The following GEN1 variants were observed in gnomAD, a reference collection of about 807,000 sequenced individuals.
GEN1 encodes GEN1 structure-specific endonuclease.
In GEN1, 64 loss-of-function variants were observed where a neutral mutation model predicts 67.6. The ratio of observed to expected loss-of-function variants is 0.95; its 90% CI spans 0.77 to 1.17. The LOEUF (loss-of-function observed/expected upper bound fraction) is 1.17, where lower values mean the gene tolerates loss of function less well. Among genes scored for constraint, GEN1 ranks in the 50% most tolerant of loss-of-function variants. The probability of loss-of-function intolerance (pLI) is 0.00; values close to 1 mark genes in which losing one functional copy is unlikely to be tolerated. For synonymous variants in GEN1, 371 were observed against 359.4 expected (o/e 1.03, Z -0.37); for missense variants, 1,058 against 1,048.3 (o/e 1.01, Z -0.13).
chr2:17,772,607 T>C (rs1672241784), intron 7 of GEN1, 27 bp from the exon 8 acceptor site: 2 of 1,569,884 alleles, frequency 1.3e-6, no homozygotes, highest in East Asian at 2.2e-5. Flanking sequence ...GCAAAAAATA[T>C]TATACTTTTT....
At position 17,784,520 on chromosome 2, in the gene GEN1, T is replaced by C. The variant is rs1054170557; in HGVS notation, c.*2581T>C. 2.0e-5 allele frequency: 3 copies of C among 152,154 alleles called. No individual in the cohort carries two copies. The East Asian group carries it at 5.8e-4, about 29-fold the overall frequency. 9.4% of individuals were successfully genotyped at this position (152,154 alleles called of 1,614,324 possible). A position where few individuals can be genotyped will look rare whatever the true frequency, so the allele number is the denominator to read the frequency against. On this transcript the variant is annotated 3_prime_UTR_variant, in exon 14 of 14. Coordinates refer to ENST00000381254, the MANE Select transcript of GEN1 (RefSeq NM_001130009.3). ...ATAAAAACCTGTGCACAAATGTCCATAGCAGCGTTATTCATAATAGCCTAA... is the reference window on the plus strand; with the variant it reads ...ATAAAAACCTGTGCACAAATGTCCACAGCAGCGTTATTCATAATAGCCTAA...
Position 17,779,103 on chromosome 2 carries a change from A to G in GEN1, c.1265-875A>G, listed in dbSNP as rs570823637. On this transcript the variant is annotated intron_variant, in intron 12 of 13. Coordinates refer to ENST00000381254, the MANE Select transcript of GEN1 (RefSeq NM_001130009.3). Reference sequence around the variant, plus strand: ...ATGCCTGGCTAATTTTCATATTTTTAGTAGAGATGGAGTTTCGTTATTTTG... The same window carrying G: ...ATGCCTGGCTAATTTTCATATTTTTGGTAGAGATGGAGTTTCGTTATTTTG... 3.0e-4 allele frequency among the ~76,000 whole-genome samples: 46 copies of G among 152,178 alleles called. 1 individual carries two copies. In the South Asian group the frequency reaches 8.9e-3, roughly 30 times the overall value.
chr2:17,767,909 C>T (rs1672007059), intron 5 of GEN1, among the ~76,000 whole-genome samples: 1 of 152,116 alleles, frequency 6.6e-6, no homozygotes, highest in African/African-American at 2.4e-5. Context: ...ACGTGTATGC[C>T]AAAGACATAG....
intron 1 of GEN1, among the ~76,000 whole-genome samples, chr2:17,759,338 G>T (rs1343432693): frequency 6.6e-6 from 1 of 152,192 alleles, no homozygotes; most frequent in East Asian, 1.9e-4. Context: ...TGTCATGTAC[G>T]TGGAAAAAGG....
intron 12 of GEN1, among the ~76,000 whole-genome samples, chr2:17,779,279 C>T (rs1572421843): frequency 6.6e-6 from 1 of 152,296 alleles, no homozygotes; most frequent in East Asian, 1.9e-4. Flanking sequence ...CAGAAGCTAT[C>T]ACTAAAGAAA....
intron 3 of GEN1, among the ~76,000 whole-genome samples, chr2:17,763,580 A>T (rs6531054): frequency 0.18 from 27,567 of 152,146 alleles, 3,615 homozygotes; most frequent in African/African-American, 0.38. Context: ...ACAAATTAGT[A>T]GTCCTCCAAT....
intron 8 of GEN1, 34 bp downstream of exon 8, chr2:17,772,818 G>A (rs924565009): frequency 3.2e-6 from 5 of 1,546,036 alleles, no homozygotes; most frequent in Non-Finnish European, 3.5e-6. Flanking sequence ...ATTTTTCCTG[G>A]CATGACCTAT....
intron 4 of GEN1, among the ~76,000 whole-genome samples, chr2:17,765,704 A>G (rs1671896062): frequency 6.6e-6 from 1 of 152,350 alleles, no homozygotes; most frequent in East Asian, 1.9e-4. Context: ...TTCAGAGTCC[A>G]TATGATGTAA....
intron 12 of GEN1, among the ~76,000 whole-genome samples, chr2:17,778,460 A>ATC (rs1558410230): frequency 3.1e-4 from 9 of 29,470 alleles, no homozygotes; most frequent in African/African-American, 7.0e-4. Flanking sequence ...GTGTGTACAT[A>ATC]TATGTATATA....
rs776466052 is a variant in GEN1 at position 17,781,701 on chromosome 2, C to G, written c.2489C>G (p.Ser830Cys). 1.9e-6 allele frequency: 3 copies of G among 1,613,568 alleles called. No individual in the cohort carries two copies. The East Asian group carries it at 6.7e-5, about 36-fold the overall frequency. The change falls in exon 14 of 14, where the codon TCC becomes TGC. Residue 830 changes from serine (S) to cysteine (C), a missense_variant. Transcript: ENST00000381254. ...CACAGTTCTCAAAAGCATAATTCATCCCATTTCAAAGAAAGTGGCCATAAC... is the reference window on the plus strand; with the variant it reads ...CACAGTTCTCAAAAGCATAATTCATGCCATTTCAAAGAAAGTGGCCATAAC... ...MKHSSQKHNS[S>C]HFKESGHNKL... is the part of the protein sequence containing the mutation.
rs750442897 is a variant in GEN1 at position 17,781,608 on chromosome 2, G to C, written c.2396G>C (p.Arg799Thr). Reference protein sequence around the residue: ...ILMKKSVCLDRHSSDEQSAPV... With the variant: ...ILMKKSVCLDTHSSDEQSAPV... ...ATGAAGAAGAGTGTTTGCCTTGACAGACATTCCTCTGATGAACAAAGTGCC... is the reference window on the plus strand; with the variant it reads ...ATGAAGAAGAGTGTTTGCCTTGACACACATTCCTCTGATGAACAAAGTGCC... The change falls in exon 14 of 14, where the codon AGA (arginine) becomes ACA (threonine). Residue 799 changes from arginine (R) to threonine (T), a missense_variant. Coordinates refer to ENST00000381254, the MANE Select transcript of GEN1 (RefSeq NM_001130009.3). The C allele has an allele frequency of 6.2e-7, 1 of 1,613,986 alleles. No homozygotes were observed. The highest frequency in any genetic ancestry group is 8.5e-7 in the Non-Finnish European group (1 of 1,179,958).
At chr2:17,760,940 A>G (rs1021667661) in intron 2 of GEN1, among the ~76,000 whole-genome samples, 1 of 146,152 alleles carries the variant, frequency 6.8e-6, no homozygotes, top group Non-Finnish European at 1.5e-5. Context: ...AAAAAAAATC[A>G]GTGGTTTTGG....
rs180841774 is a variant in GEN1, at chr2:17,784,966, C to T, written c.*3027C>T. On this transcript the variant is annotated 3_prime_UTR_variant, in exon 14 of 14. Transcript: ENST00000381254. ...ACCGGCCTGCACAGCAGGTGTTGAG[C>T]GGCATGCAAGCGAGAATTACCGCCT... 25 of 152,368 alleles carry T rather than the reference C, an allele frequency of 1.6e-4. No homozygotes were observed. Among genetic ancestry groups the T allele is most frequent in the East Asian group, 1.3e-3 (7 of 5,194 alleles). 9.4% of individuals were successfully genotyped at this position (152,368 alleles called of 1,614,324 possible). A position where few individuals can be genotyped will look rare whatever the true frequency, so the allele number is the denominator to read the frequency against.
At chr2:17,764,607 T>C (rs971254206) in intron 3 of GEN1, among the ~76,000 whole-genome samples, 1 of 152,202 alleles carries the variant, frequency 6.6e-6, no homozygotes, top group South Asian at 2.1e-4. Flanking sequence ...GACATAATAT[T>C]GTATCATTCC....
At position 17,787,458 on chromosome 2, in the gene GEN1, G is replaced by T. The variant is rs1192230698; in HGVS notation, c.*5519G>T. On this transcript the variant is annotated 3_prime_UTR_variant, in exon 14 of 14. Transcript: ENST00000381254. The stretch of plus-strand genomic sequence containing the variant: ...TGTAAACGTGGTCTTCTCTAAGAAA[G>T]TCTTCTGTTGCTTCTCTGGATCGCT... 6.6e-6 allele frequency: 1 copy of T among 152,198 alleles called. No homozygotes were observed. Among genetic ancestry groups the T allele is most frequent in the African/African-American group, 2.4e-5 (1 of 41,446 alleles). The allele number at this position is 152,198 out of a possible 1,614,324, so 9.4% of individuals were successfully genotyped here. A position where few individuals can be genotyped will look rare whatever the true frequency, so the allele number is the denominator to read the frequency against.
intron 3 of GEN1, among the ~76,000 whole-genome samples, chr2:17,763,901 G>T (rs966134506): frequency 6.6e-6 from 1 of 152,170 alleles, no homozygotes; most frequent in African/African-American, 2.4e-5. Flanking sequence ...ATGTGGCGTG[G>T]AAGTGATTAA....
chr2:17,764,821 C>T, intron 3 of GEN1, 76 bp from the exon 4 acceptor site: 2 of 1,311,556 alleles, frequency 1.5e-6, no homozygotes, highest in Non-Finnish European at 2.1e-6. Flanking sequence ...ATTTGTAATA[C>T]AGAAATAGGT....
chr2:17,773,116 G>C lies in GEN1; in HGVS notation c.974G>C (p.Gly325Ala). 2 of 1,584,638 alleles carry C rather than the reference G, an allele frequency of 1.3e-6. No homozygotes were observed. The highest frequency in any genetic ancestry group is 1.7e-6 in the Non-Finnish European group (2 of 1,156,196). ...NIKKKACCCEGFPFHEVIQEF... is the reference protein window; with the variant it reads ...NIKKKACCCEAFPFHEVIQEF... ...TTCAGGAAAGCTTGCTGTTGTGAGG[G>C]ATTCCCATTCCATGAGGTAATATCC... The change falls in exon 9 of 14, where the codon GGA (glycine) becomes GCA (alanine). Residue 325 changes from glycine to alanine, a missense_variant. By Grantham distance (60) the Gly-to-Ala change is moderately conservative (BLOSUM62 0). Transcript: ENST00000381254.
At position 17,766,652 on chromosome 2, in the gene GEN1, G is replaced by C. The variant is rs570892902; in HGVS notation, c.599G>C (p.Gly200Ala). Residue 200 changes from glycine to alanine, a missense_variant, in exon 5 of 14, where the codon GGA becomes GCA. Coordinates refer to ENST00000381254, the MANE Select transcript of GEN1 (RefSeq NM_001130009.3). ...KLGLDRDALV[G>A]LAILLGCDYL... ...GGTTTGGATAGAGATGCTCTGGTTG[G>C]ATTAGCAATACTTCTTGGCTGTGAT... 1 of 1,606,124 alleles carries C rather than the reference G, an allele frequency of 6.2e-7. No homozygotes were observed. Among genetic ancestry groups the C allele is most frequent in the Non-Finnish European group, 8.5e-7 (1 of 1,173,258 alleles).
Sources: allele counts gnomAD v4.1 joint callset (sites outside exome capture counted in the v4.1 genomes callset), GRCh38; gene constraint gnomAD v4.1.1; transcripts MANE v1.5; gene names NCBI Gene and HGNC (gene_info 2026-07-23, HGNC 2026-07-21).